KAT14: variants seen among roughly 807,000 people sequenced by gnomAD.
KAT14 encodes cysteine-rich protein 2-binding protein.
KAT14 carries 66 observed loss-of-function variants against 78.4 expected under a neutral mutation model. That is an observed-to-expected ratio of 0.84 (90% CI 0.69 to 1.03). KAT14 has a LOEUF of 1.03. Ranked by LOEUF, KAT14 falls within the 50% of genes least tolerant of loss-of-function variation. KAT14 has a pLI of 0.00. For synonymous variants in KAT14, 344 were observed against 359.4 expected (o/e 0.96, Z 0.48); for missense variants, 870 against 972.5 (o/e 0.89, Z 1.40).
In KAT14 at chr20:18,162,259, G is replaced by C. The variant is rs1303624069; in HGVS notation, c.1099+20G>C. 1 of 1,613,114 alleles carries C rather than the reference G, an allele frequency of 6.2e-7. No individual in the cohort carries two copies. The stretch of plus-strand genomic sequence containing the variant: ...TTCATGGTAAGAGTTTGTTTGCTTT[G>C]CTCTTTTATTTTGGGTATGGGCCAT... On this transcript the variant is annotated intron_variant, in intron 6 of 10. Coordinates refer to ENST00000688188, the MANE Select transcript of KAT14 (RefSeq NM_001392073.1).
intron 7 of KAT14, among the ~76,000 whole-genome samples, chr20:18,171,905 C>T (rs1389842083): frequency 5.3e-5 from 8 of 152,172 alleles, no homozygotes; most frequent in Admixed American, 5.2e-4. Flanking sequence ...GCCATCCCAA[C>T]CTTCAGCAGC....
intron 9 of KAT14, 85 bp downstream of exon 9, chr20:18,183,383 T>G (rs890723785): frequency 7.0e-7 from 1 of 1,429,736 alleles, no homozygotes; most frequent in Non-Finnish European, 9.2e-7. Context: ...TGTGATATCC[T>G]TAAGATTTTT....
At chr20:18,138,425 G>C in intron 1 of KAT14, 1 of 1,008,364 alleles carries the variant, frequency 9.9e-7, no homozygotes, top group Non-Finnish European at 1.2e-6. Context: ...CATCTCACTT[G>C]GGCCGCTAGA....
chr20:18,138,545 T>G (rs1202584321), intron 1 of KAT14: 6 of 817,616 alleles, frequency 7.3e-6, no homozygotes, highest in African/African-American at 1.9e-5. Context: ...GCTATTGATT[T>G]TATCCCATGG....
chr20:18,139,662 GTGTGTGTGTGTGTT>G (rs751649202), intron 1 of KAT14, among the ~76,000 whole-genome samples: 951 of 84,960 alleles, frequency 0.011, 5 homozygotes, highest in East Asian at 0.062. Flanking sequence ...GTGTGTGTGT[GTGTGTGTGTGTGTT>G]TATTTTTTTT....
intron 9 of KAT14, chr20:18,183,619 G>A (rs1262904057): frequency 3.6e-6 from 3 of 842,630 alleles, no homozygotes; most frequent in East Asian, 2.5e-4. Flanking sequence ...GGTAGCTTGG[G>A]CGTGTTTGGA....
At chr20:18,161,251 CT>C (rs200268564) in intron 5 of KAT14, among the ~76,000 whole-genome samples, 2 of 150,428 alleles carry the variant, frequency 1.3e-5, no homozygotes, top group South Asian at 2.1e-4. Flanking sequence ...CTTTATCAAA[CT>C]TTTTTTTTGG....
intron 7 of KAT14, among the ~76,000 whole-genome samples, chr20:18,179,679 C>G (rs769643665): frequency 6.6e-6 from 1 of 152,058 alleles, no homozygotes; most frequent in Non-Finnish European, 1.5e-5. Context: ...TATGGCATGC[C>G]GTGGAGATTG....
intron 4 of KAT14, among the ~76,000 whole-genome samples, chr20:18,158,172 G>A (rs148476764): frequency 0.021 from 3,263 of 152,288 alleles, 118 homozygotes; most frequent in African/African-American, 0.072. Context: ...CTGACCTCAG[G>A]TGATCCACCC....
chr20:18,141,047 ATTTTT>A (rs2037548992), intron 1 of KAT14, among the ~76,000 whole-genome samples: 1 of 92,842 alleles, frequency 1.1e-5, no homozygotes, highest in South Asian at 3.9e-4. Context: ...TTTTTTTTTT[ATTTTT>A]ATTTTTGCTA....
In KAT14 at chr20:18,181,858, AC is replaced by A; in HGVS notation, c.1805+13del. 1 of 1,613,400 alleles carries A rather than the reference AC, an allele frequency of 6.2e-7. No homozygotes were observed. The highest frequency in any genetic ancestry group is 8.5e-7 in the Non-Finnish European group (1 of 1,179,654). On this transcript the variant is annotated intron_variant, in intron 8 of 10. Transcript: ENST00000688188. ...AAACCTTATATCAGGTATATGGAGA[AC>A]TAGAGGTGTGATGTCAGGTGTGTCA...
rs55748121 is a variant in KAT14, at chr20:18,176,497, G to A, written c.1669-5213G>A. Among the ~76,000 whole-genome samples, 418 of 152,260 alleles carry A rather than the reference G, an allele frequency of 2.7e-3. 1 individual carries two copies. The highest frequency in any genetic ancestry group is 9.5e-3 in the African/African-American group (394 of 41,546). ...TGATGTTACATCATGCAGAGTGAAC[G>A]TGGGGAGGAGTAGCGGGCAGGAGCA... On this transcript the variant is annotated intron_variant, in intron 7 of 10. Transcript: ENST00000688188.
In KAT14 at chr20:18,159,348, C is replaced by T. The variant is rs536372895; in HGVS notation, c.682+83C>T. ...AGCCCAGGAGACGCTCCTGCTTCCA[C>T]TGGGCATGGCTCGCAGGCCTCTCTG... On this transcript the variant is annotated intron_variant, in intron 5 of 10. Transcript: ENST00000688188. The T allele has an allele frequency of 7.9e-5, 118 of 1,491,654 alleles. No homozygotes were observed. The African/African-American group carries it at 1.6e-3, about 20-fold the overall frequency. 92.4% of individuals were successfully genotyped at this position (1,491,654 alleles called of 1,614,324 possible).
chr20:18,170,118 A>C (rs1019218465), intron 7 of KAT14, among the ~76,000 whole-genome samples: 1 of 152,268 alleles, frequency 6.6e-6, no homozygotes, highest in Non-Finnish European at 1.5e-5. Flanking sequence ...AAAAGAGTGC[A>C]AGTTAAAGCA....
At chr20:18,157,307 C>G (rs1479064377) in intron 4 of KAT14, among the ~76,000 whole-genome samples, 1 of 152,136 alleles carries the variant, frequency 6.6e-6, no homozygotes, top group Non-Finnish European at 1.5e-5. Flanking sequence ...CCACTACCTC[C>G]CAGGCACAAG....
rs565052987 is a variant in KAT14 at position 18,168,261 on chromosome 20, C to G, written c.1668+5316C>G. Among the ~76,000 whole-genome samples, 19 of 152,352 alleles carry G rather than the reference C, an allele frequency of 1.2e-4. No homozygotes were observed. In the South Asian group the frequency reaches 3.7e-3, roughly 30 times the overall value. On this transcript the variant is annotated intron_variant, in intron 7 of 10. Transcript: ENST00000688188. ...AGAAATTTTTGACTGGGCTCAGTGG[C>G]TCATGCCTGTAATCCCAGCACTTTG... is the stretch of plus-strand genomic sequence containing the variant.
At chr20:18,143,752 C>A (rs535980968) in intron 2 of KAT14, among the ~76,000 whole-genome samples, 2 of 152,030 alleles carry the variant, frequency 1.3e-5, no homozygotes, top group African/African-American at 4.8e-5. Flanking sequence ...CTCGGCCTCC[C>A]GAGTAGCTGG....
intron 9 of KAT14, 66 bp downstream of exon 9, chr20:18,183,364 ATTAGT>A (rs1263697218): frequency 2.7e-6 from 4 of 1,488,060 alleles, no homozygotes; most frequent in African/African-American, 2.8e-5. Flanking sequence ...AATTTTTAAA[ATTAGT>A]TTATGTGATA....
In KAT14 at chr20:18,162,673, G is replaced by A. The variant is rs771882905; in HGVS notation, c.1396G>A (p.Glu466Lys). The A allele has an allele frequency of 1.2e-5, 19 of 1,614,212 alleles. No homozygotes were observed. Among genetic ancestry groups the A allele is most frequent in the Middle Eastern group, 3.3e-4 (2 of 6,062 alleles). The change falls in exon 7 of 11, where the codon GAG becomes AAG. Residue 466 changes from glutamate (E) to lysine (K), a missense_variant. By Grantham distance (56) the Glu-to-Lys change is moderately conservative. Coordinates refer to ENST00000688188, the MANE Select transcript of KAT14 (RefSeq NM_001392073.1). ...CAGGTATACTCCCGTGAGCATCTAC[G>A]AGGAAAAGCTGCTGCTCAAGAGGCT... ...EPRYTPVSIY[E>K]EKLLLKRLEA...
Sources: allele counts gnomAD v4.1 joint callset (sites outside exome capture counted in the v4.1 genomes callset), GRCh38; gene constraint gnomAD v4.1.1; transcripts MANE v1.5; gene names NCBI Gene and HGNC (gene_info 2026-07-23, HGNC 2026-07-21).